Variants in SLC37A1 observed in about 807,000 individuals in gnomAD.
The protein encoded by SLC37A1 is solute carrier family 37 member 1, also known as glucose-6-phosphate exchanger SLC37A1.
In SLC37A1, 49 loss-of-function variants were observed where a neutral mutation model predicts 75.3. That is an observed-to-expected ratio of 0.65 (90% confidence interval 0.52 to 0.83). The LOEUF is 0.83. Ranked by LOEUF, SLC37A1 falls within the 40% of genes least tolerant of loss-of-function variation. The pLI is 0.00. For synonymous variants in SLC37A1, 268 were observed against 292.1 expected, an observed-to-expected ratio of 0.92 and a Z score of 0.84; for missense variants, 566 against 695.0, an observed-to-expected ratio of 0.81 and a Z score of 2.09.
In SLC37A1 at chr21:42,580,590, G is replaced by A; in HGVS notation, c.*230G>A. The A allele has an allele frequency of 2.4e-6, 1 of 412,390 alleles. No homozygotes were observed. Among genetic ancestry groups the A allele is most frequent in the Admixed American group, 4.0e-5 (1 of 24,978 alleles). The allele number at this position is 412,390 out of a possible 1,614,324, so 25.5% of individuals were successfully genotyped here. ...CTGCAGGAACTGCTGCCTGAGCCAA[G>A]CCAGAGAACCGAAGACCCGGCCGGC... On this transcript the variant is annotated 3_prime_UTR_variant, in exon 20 of 20. Transcript: ENST00000352133.
chr21:42,530,654 A>ACACACACACACACCCCC (rs1161313598), intron 3 of SLC37A1, among the ~76,000 whole-genome samples: 3 of 35,880 alleles, frequency 8.4e-5, no homozygotes, highest in Non-Finnish European at 1.6e-4. Flanking sequence ...ACACACACAC[A>ACACACACACACACCCCC]CCCCCTCTGT....
intron 18 of SLC37A1, chr21:42,575,507 C>T (rs2056287907): frequency 1.0e-6 from 1 of 985,304 alleles, no homozygotes; most frequent in Admixed American, 6.1e-5. Flanking sequence ...CTTCTGTGCC[C>T]TCCTGTGTTG....
intron 18 of SLC37A1, chr21:42,575,235 G>C: frequency 1.0e-6 from 1 of 984,336 alleles, no homozygotes; most frequent in Non-Finnish European, 1.2e-6. Flanking sequence ...CTGCTCCACA[G>C]TTTCCACAGC....
chr21:42,523,745 G>A (rs984216229), intron 2 of SLC37A1, among the ~76,000 whole-genome samples: 8 of 152,232 alleles, frequency 5.3e-5, no homozygotes, highest in African/African-American at 1.9e-4. Context: ...CCCTGATGAA[G>A]AAGAGAGCAC....
rs1568997149 is a variant in SLC37A1 at position 42,530,656 on chromosome 21, C to CACACACACACACACACA, written c.139-4042_139-4041insACACACACACACACACA. Among the ~76,000 whole-genome samples the CACACACACACACACACA allele has an allele frequency of 7.2e-4, 17 of 23,496 alleles. 2 individuals are homozygous for CACACACACACACACACA. The highest frequency in any genetic ancestry group is 3.0e-3 in the East Asian group (5 of 1,672). 15.4% of individuals were successfully genotyped at this position (23,496 alleles called of 152,430 possible). Reference sequence around the variant, plus strand: ...CACACACACACACACACACACACACCCCCTCTGTGTTGGCTGAAGGTGGAG... The same window carrying CACACACACACACACACA: ...CACACACACACACACACACACACACCACACACACACACACACACCCTCTGTGTTGGCTGAAGGTGGAG... On this transcript the variant is annotated intron_variant, in intron 3 of 19. Coordinates refer to ENST00000352133, the MANE Select transcript of SLC37A1 (RefSeq NM_001320537.2).
chr21:42,518,345 C>A lies in SLC37A1; in HGVS notation c.-110C>A. The A allele has an allele frequency of 1.4e-6, 2 of 1,395,354 alleles. No individual in the cohort carries two copies. Among genetic ancestry groups the A allele is most frequent in the Non-Finnish European group, 2.0e-6 (2 of 985,282 alleles). The allele number at this position is 1,395,354 out of a possible 1,614,324, so 86.4% of individuals were successfully genotyped here. Reference sequence around the variant, plus strand: ...GACACCTTCTTTCCACGCTTTCCAGCCTGTGGGAGCGGCAGGGGCAACAGA... The same window carrying A: ...GACACCTTCTTTCCACGCTTTCCAGACTGTGGGAGCGGCAGGGGCAACAGA... On this transcript the variant is annotated 5_prime_UTR_variant, in exon 2 of 20. Coordinates refer to ENST00000352133, the MANE Select transcript of SLC37A1 (RefSeq NM_001320537.2).
At chr21:42,570,502 G>A (rs1283151840) in intron 17 of SLC37A1, among the ~76,000 whole-genome samples, 1 of 152,180 alleles carries the variant, frequency 6.6e-6, no homozygotes, top group African/African-American at 2.4e-5. Flanking sequence ...GGGCATCTCA[G>A]TAGGAAGTCG....
intron 17 of SLC37A1, among the ~76,000 whole-genome samples, chr21:42,571,608 TTCA>T (rs2056166685): frequency 6.6e-6 from 1 of 152,060 alleles, no homozygotes; most frequent in Non-Finnish European, 1.5e-5. Flanking sequence ...TGTTTCTTGG[TTCA>T]TCATCTGAAC....
At chr21:42,569,173 C>T (rs533443671) in intron 17 of SLC37A1, among the ~76,000 whole-genome samples, 1 of 152,292 alleles carries the variant, frequency 6.6e-6, no homozygotes, top group East Asian at 1.9e-4. Context: ...GCGTGGGGGT[C>T]TCCAGTAAAG....
rs1601716279 is a variant in SLC37A1 at position 42,543,444 on chromosome 21, T to C, written c.572T>C (p.Leu191Ser). 6.2e-7 allele frequency: 1 copy of C among 1,614,134 alleles called. No homozygotes were observed. Among genetic ancestry groups the C allele is most frequent in the African/African-American group, 1.3e-5 (1 of 75,054 alleles). The change falls in exon 8 of 20, where the codon TTG becomes TCG. Residue 191 changes from leucine (L) to serine (S), a missense_variant. Leu to Ser is a moderately radical substitution (Grantham distance 145). Transcript: ENST00000352133. ...GNWFGKGRRG[L>S]IMGVWNSHTS... is the part of the protein sequence containing the mutation. ...GTTTTGTTGTGCTGCAGGAGAGGTT[T>C]GATTATGGGGGTCTGGAACTCCCAC...
At chr21:42,568,102 C>CG (rs2056026675) in intron 16 of SLC37A1, among the ~76,000 whole-genome samples, 1 of 152,198 alleles carries the variant, frequency 6.6e-6, no homozygotes, top group Non-Finnish European at 1.5e-5. Flanking sequence ...CAGGACTGTG[C>CG]GGAACAAACG....
intron 2 of SLC37A1, among the ~76,000 whole-genome samples, chr21:42,523,794 GTTGGT>G (rs1223188390): frequency 3.3e-5 from 5 of 152,186 alleles, no homozygotes; most frequent in Non-Finnish European, 7.3e-5. Context: ...TATTCTGCGA[GTTGGT>G]TTGGTTTGGT....
In SLC37A1 at chr21:42,547,191, CACT is replaced by C. The variant is rs1437810704; in HGVS notation, c.768+52_768+54del. 6.2e-7 allele frequency: 1 copy of C among 1,602,034 alleles called. No homozygotes were observed. The highest frequency in any genetic ancestry group is 8.6e-7 in the Non-Finnish European group (1 of 1,169,194). On this transcript the variant is annotated intron_variant, in intron 9 of 19. Coordinates refer to ENST00000352133, the MANE Select transcript of SLC37A1 (RefSeq NM_001320537.2). The surrounding 1 kb of genome is among the most constrained non-coding windows in gnomAD (Gnocchi z 6.1). ...TTCTAGAACAGTGTGCGGTTCTGAC[CACT>C]TCCCCAGCCTGCTCCTGCCTGTGCG...
chr21:42,574,927 T>G lies in SLC37A1; in HGVS notation c.1521+12T>G, dbSNP rs1436483364. On this transcript the variant is annotated intron_variant, in intron 18 of 19. Coordinates refer to ENST00000352133, the MANE Select transcript of SLC37A1 (RefSeq NM_001320537.2). ...CCTGTGCCTTACTGGTAAGTCGGCC[T>G]ATTTTTAGTCCAATCCACCTTGAAT... 1 of 1,613,960 alleles carries G rather than the reference T, an allele frequency of 6.2e-7. No individual in the cohort carries two copies. Among genetic ancestry groups the G allele is most frequent in the Non-Finnish European group, 8.5e-7 (1 of 1,179,894 alleles).
At chr21:42,530,654 A>ACACACACACACACACACCCCCCC (rs1161313598) in intron 3 of SLC37A1, among the ~76,000 whole-genome samples, 1 of 35,880 alleles carries the variant, frequency 2.8e-5, no homozygotes, top group Non-Finnish European at 5.2e-5. Context: ...ACACACACAC[A>ACACACACACACACACACCCCCCC]CCCCCTCTGT....
intron 9 of SLC37A1, among the ~76,000 whole-genome samples, chr21:42,553,613 C>T (rs1225949060): frequency 6.6e-6 from 1 of 151,642 alleles, no homozygotes; most frequent in Non-Finnish European, 1.5e-5. Context: ...CCTCTAGCAG[C>T]AGGTCCACAT....
Position 42,564,719 on chromosome 21 carries a change from G to C in SLC37A1, c.1147G>C (p.Ala383Pro), listed in dbSNP as rs749282277. 2 of 1,611,364 alleles carry C rather than the reference G, an allele frequency of 1.2e-6. No homozygotes were observed. Among genetic ancestry groups the C allele is most frequent in the South Asian group, 2.2e-5 (2 of 91,088 alleles). ...CCTCTCCGTTGCAGGTGGGATCCTG[G>C]CAGGTGTGATCTCAGACCGACTGGA... ...DVGGIFGGILAGVISDRLEKR... is the reference protein window; with the variant it reads ...DVGGIFGGILPGVISDRLEKR... The change falls in exon 14 of 20, where the codon GCA (alanine) becomes CCA (proline). Residue 383 changes from alanine to proline, a missense_variant. By Grantham distance (27) the Ala-to-Pro change is conservative. Coordinates refer to ENST00000352133, the MANE Select transcript of SLC37A1 (RefSeq NM_001320537.2).
At chr21:42,531,724 G>C in intron 3 of SLC37A1, among the ~76,000 whole-genome samples, 1 of 152,126 alleles carries the variant, frequency 6.6e-6, no homozygotes, top group African/African-American at 2.4e-5. Context: ...AATTAAGTTT[G>C]CATTGTCTCT....
In SLC37A1 at chr21:42,552,190, C is replaced by T. The variant is rs112933925; in HGVS notation, c.769-1872C>T. ...TGTTCTTTTGATTTGTATTTGATTC[C>T]TAGGTTACTTAGGTTTAGGATATCT... On this transcript the variant is annotated intron_variant, in intron 9 of 19. Coordinates refer to ENST00000352133, the MANE Select transcript of SLC37A1 (RefSeq NM_001320537.2). This position sits in a 1 kb window ranked among gnomAD's most constrained non-coding sequence, Gnocchi z 4.2. 2.0e-3 allele frequency among the ~76,000 whole-genome samples: 305 copies of T among 152,206 alleles called. 1 individual carries two copies. Among genetic ancestry groups the T allele is most frequent in the African/African-American group, 7.1e-3 (295 of 41,516 alleles).
Sources: allele counts gnomAD v4.1 joint callset (sites outside exome capture counted in the v4.1 genomes callset), GRCh38; gene constraint gnomAD v4.1.1; non-coding constraint Gnocchi (gnomAD v3.1); transcripts MANE v1.5; gene names NCBI Gene and HGNC (gene_info 2026-07-23, HGNC 2026-07-21).